Variants in INVS observed in about 807,000 individuals in gnomAD.
INVS encodes inversin.
In INVS, 86 loss-of-function variants were observed where a neutral mutation model predicts 108.8. That is an observed-to-expected ratio of 0.79 (90% CI 0.66 to 0.95). The LOEUF (loss-of-function observed/expected upper bound fraction) is 0.95, where lower values mean the gene tolerates loss of function less well. Ranked by LOEUF, INVS falls within the 40% of genes least tolerant of loss-of-function variation. INVS has a pLI of 0.00. For missense variants in INVS, 1,169 were observed against 1,297.4 expected (o/e 0.90, Z 1.52); for synonymous variants, 455 against 473.5 (o/e 0.96, Z 0.51).
intron 12 of INVS, among the ~76,000 whole-genome samples, chr9:100,273,712 A>T (rs1833032004): frequency 6.6e-6 from 1 of 150,574 alleles, no homozygotes; most frequent in African/African-American, 2.4e-5. Context: ...TAATTTTTGT[A>T]TTTTTAGTAG....
At chr9:100,206,341 T>C (rs10989015) in intron 3 of INVS, among the ~76,000 whole-genome samples, 26,495 of 152,100 alleles carry the variant, frequency 0.17, 3,403 homozygotes, top group African/African-American at 0.37. Flanking sequence ...TTATTACTTT[T>C]ATAACAAAAA....
At position 100,226,243 on chromosome 9, in the gene INVS, A is replaced by C. The variant is rs2118405041; in HGVS notation, c.447+8A>C. 6.2e-7 allele frequency: 1 copy of C among 1,612,260 alleles called. No homozygotes were observed. ...ACACAGGATAAAAACAAGGTAATGG[A>C]TACTCAAAATCAAAGACTAATAAGA... On this transcript the variant is annotated splice_region_variant and intron_variant, in intron 4 of 16. Coordinates refer to ENST00000262457, the MANE Select transcript of INVS (RefSeq NM_014425.5).
chr9:100,180,315 C>T (rs1829849584), intron 3 of INVS, among the ~76,000 whole-genome samples: 1 of 147,816 alleles, frequency 6.8e-6, no homozygotes, highest in African/African-American at 2.5e-5. Context: ...CACGAAAAAC[C>T]CTTCAAAAAA....
Position 100,104,615 on chromosome 9 carries a change from A to G in INVS, c.94A>G (p.Arg32Gly), listed in dbSNP as rs773576721. 8.1e-6 allele frequency: 13 copies of G among 1,612,484 alleles called. No individual in the cohort carries two copies. Among genetic ancestry groups the G allele is most frequent in the African/African-American group, 1.3e-5 (1 of 74,902 alleles). ...TAATGGAGATAAGGGTGCTCTACAG[A>G]GGCTCATCGTAGGTAAGCAGTCCCC... ...AVNGDKGALQ[R>G]LIVGNSALKD... The change falls in exon 2 of 17, where the codon AGG becomes GGG. Residue 32 changes from arginine (R) to glycine (G), a missense_variant. Transcript: ENST00000262457.
intron 3 of INVS, among the ~76,000 whole-genome samples, chr9:100,183,781 ACT>A (rs1346047703): frequency 1.4e-5 from 2 of 145,140 alleles, no homozygotes; most frequent in Non-Finnish European, 3.0e-5. Flanking sequence ...ACAGAGTGAA[ACT>A]CTGTTTCAGG....
At chr9:100,286,914 TTTAC>T (rs1588146738) in intron 13 of INVS, among the ~76,000 whole-genome samples, 1 of 152,246 alleles carries the variant, frequency 6.6e-6, no homozygotes, top group South Asian at 2.1e-4. Context: ...TTATTACTGG[TTTAC>T]TTGTCATTTT....
At chr9:100,108,152 A>T (rs1019796372) in intron 2 of INVS, among the ~76,000 whole-genome samples, 2 of 152,222 alleles carry the variant, frequency 1.3e-5, no homozygotes, top group Non-Finnish European at 2.9e-5. Context: ...GTTATAAATT[A>T]AAAACACTTA....
chr9:100,278,113 T>C (rs898603109), intron 12 of INVS, among the ~76,000 whole-genome samples: 14 of 151,316 alleles, frequency 9.3e-5, no homozygotes, highest in African/African-American at 3.4e-4. Flanking sequence ...GGCTTATACC[T>C]GTAGTCCCAG....
At chr9:100,300,258 T>C (rs113193117) in intron 16 of INVS, among the ~76,000 whole-genome samples, 1 of 152,230 alleles carries the variant, frequency 6.6e-6, no homozygotes, top group East Asian at 1.9e-4. Flanking sequence ...GTTTATGTAA[T>C]GTGTTATGTG....
At chr9:100,108,283 G>A (rs1827238858) in intron 2 of INVS, among the ~76,000 whole-genome samples, 1 of 152,102 alleles carries the variant, frequency 6.6e-6, no homozygotes, top group Non-Finnish European at 1.5e-5. Flanking sequence ...GAAGCCAGTA[G>A]GTAGCTAATA....
chr9:100,100,952 A>G (rs1425323035), intron 1 of INVS, among the ~76,000 whole-genome samples: 1 of 37,808 alleles, frequency 2.6e-5, no homozygotes, highest in Non-Finnish European at 4.1e-5. Context: ...ATATACATAT[A>G]TATTATATAT....
At chr9:100,160,954 C>CAAAAAA (rs34945084) in intron 3 of INVS, among the ~76,000 whole-genome samples, 2 of 72,646 alleles carry the variant, frequency 2.8e-5, no homozygotes, top group Non-Finnish European at 5.3e-5. Flanking sequence ...GACTCTGTCT[C>CAAAAAA]AAAAAAAAAA....
At chr9:100,187,525 C>CTTTTTTTTTTTTTTTTTTT (rs34728274) in intron 3 of INVS, among the ~76,000 whole-genome samples, 8 of 105,562 alleles carry the variant, frequency 7.6e-5, no homozygotes, top group African/African-American at 2.2e-4. Context: ...TCTATGATTT[C>CTTTTTTTTTTTTTTTTTTT]TTTTTTTTTT....
intron 3 of INVS, among the ~76,000 whole-genome samples, chr9:100,132,809 A>G (rs1050904654): frequency 2.0e-5 from 3 of 151,804 alleles, no homozygotes. Context: ...AAGCATAGAG[A>G]TAAGAAAGAA....
intron 1 of INVS, among the ~76,000 whole-genome samples, chr9:100,101,003 A>G (rs1461487094): frequency 3.2e-5 from 3 of 94,958 alleles, no homozygotes; most frequent in African/African-American, 1.3e-4. Context: ...TATATATAAT[A>G]TATATATTAT....
intron 2 of INVS, chr9:100,117,749 ATATTTG>A (rs1247449975): frequency 6.9e-5 from 36 of 518,922 alleles, no homozygotes; most frequent in Non-Finnish European, 9.8e-5. Flanking sequence ...TATGGACTGA[ATATTTG>A]TATTCCTCCA....
chr9:100,256,911 G>C (rs975793243), intron 10 of INVS, among the ~76,000 whole-genome samples: 2 of 152,194 alleles, frequency 1.3e-5, no homozygotes, highest in East Asian at 3.8e-4. Flanking sequence ...GAGTTCTGTA[G>C]ATGTCTATTA....
chr9:100,181,953 A>G lies in INVS; in HGVS notation c.274-44109A>G, dbSNP rs10989002. The stretch of plus-strand genomic sequence containing the variant: ...ATGGAACAGAATAGAGGCCTCAGAA[A>G]TAACCCAACACATCTACAACCATCT... On this transcript the variant is annotated intron_variant, in intron 3 of 16. Coordinates refer to ENST00000262457, the MANE Select transcript of INVS (RefSeq NM_014425.5). Among the ~76,000 whole-genome samples the G allele has an allele frequency of 9.9e-3, 1,507 of 152,296 alleles. 14 individuals carry two copies. Among genetic ancestry groups the G allele is most frequent in the Non-Finnish European group, 0.016 (1,061 of 68,018 alleles).
intron 7 of INVS, among the ~76,000 whole-genome samples, chr9:100,245,793 A>G (rs1832027048): frequency 6.6e-6 from 1 of 152,214 alleles, no homozygotes; most frequent in African/African-American, 2.4e-5. Flanking sequence ...ACAAACAAAA[A>G]ACACAGTGAG....
Sources: allele counts gnomAD v4.1 joint callset (sites outside exome capture counted in the v4.1 genomes callset), GRCh38; gene constraint gnomAD v4.1.1; transcripts MANE v1.5; gene names NCBI Gene and HGNC (gene_info 2026-07-23, HGNC 2026-07-21).